Variants in FCHSD2 observed in about 807,000 individuals in gnomAD.
The protein encoded by FCHSD2 is FCH and double SH3 domains 2, also known as F-BAR and double SH3 domains protein 2.
In FCHSD2, 38 loss-of-function variants were observed where a neutral mutation model predicts 108.1. That is an observed-to-expected ratio of 0.35 (90% CI 0.27 to 0.46). FCHSD2 has a LOEUF of 0.46. Among genes scored for constraint, FCHSD2 ranks in the 20% least tolerant of loss-of-function variants. The pLI is 1.00. For missense variants in FCHSD2, 751 were observed against 897.8 expected, an observed-to-expected ratio of 0.84 and a Z score of 2.09; for synonymous variants, 279 against 314.7, an observed-to-expected ratio of 0.89 and a Z score of 1.20.
intron 5 of FCHSD2, among the ~76,000 whole-genome samples, chr11:72,995,641 CCA>C (rs1478771001): frequency 1.3e-5 from 2 of 151,358 alleles, no homozygotes; most frequent in African/African-American, 4.9e-5. Flanking sequence ...GAGGTTGAGG[CCA>C]CAGTGAGCCG....
chr11:72,914,426 T>C lies in FCHSD2; in HGVS notation c.828+7402A>G, dbSNP rs755179141. On this transcript the variant is annotated intron_variant, in intron 9 of 19. Transcript: ENST00000409418. ...TCATATGAAACCAAAAGATTCTGAA[T>C]AGCCAAGGCAATCCTAAGCAAAAAG... Among the ~76,000 whole-genome samples, 16 of 152,276 alleles carry C rather than the reference T, an allele frequency of 1.1e-4. No individual in the cohort carries two copies. In the South Asian group the frequency reaches 1.2e-3, roughly 12 times the overall value.
intron 2 of FCHSD2, among the ~76,000 whole-genome samples, chr11:73,105,003 C>T (rs1860308950): frequency 6.6e-6 from 1 of 152,200 alleles, no homozygotes; most frequent in South Asian, 2.1e-4. Context: ...CATGTAAAAA[C>T]AATAATAATC....
chr11:72,897,778 T>C (rs1855452647), intron 10 of FCHSD2, among the ~76,000 whole-genome samples: 1 of 152,216 alleles, frequency 6.6e-6, no homozygotes, highest in Admixed American at 6.5e-5. Flanking sequence ...ATAAATGTGT[T>C]TGTCAGTTCT....
chr11:73,101,736 G>A (rs1040185930), intron 2 of FCHSD2, among the ~76,000 whole-genome samples: 7 of 150,408 alleles, frequency 4.7e-5, no homozygotes, highest in South Asian at 4.2e-4. Context: ...TGCACCCCCC[G>A]CCCCCGAAAA....
intron 3 of FCHSD2, among the ~76,000 whole-genome samples, chr11:73,037,657 T>C (rs1565379437): frequency 1.3e-5 from 2 of 152,254 alleles, no homozygotes; most frequent in Non-Finnish European, 2.9e-5. Flanking sequence ...GATTATGTTA[T>C]GAATGTGGCC....
intron 4 of FCHSD2, among the ~76,000 whole-genome samples, chr11:73,006,438 C>G (rs1857742740): frequency 6.6e-6 from 1 of 152,192 alleles, no homozygotes; most frequent in African/African-American, 2.4e-5. Flanking sequence ...ATCATTGATT[C>G]CTCATTTGTC....
chr11:73,031,938 T>C (rs1008774251), intron 3 of FCHSD2, among the ~76,000 whole-genome samples: 56 of 152,180 alleles, frequency 3.7e-4, no homozygotes, highest in African/African-American at 1.2e-3. Context: ...GTTCTTCTGG[T>C]ATGTATATTC....
chr11:73,041,715 T>C (rs1213617525), intron 3 of FCHSD2, among the ~76,000 whole-genome samples: 6 of 152,196 alleles, frequency 3.9e-5, no homozygotes, highest in Non-Finnish European at 7.3e-5. Context: ...ATGTTGACTG[T>C]TTCTTTGATG....
At chr11:73,097,453 T>C (rs1301300276) in intron 2 of FCHSD2, among the ~76,000 whole-genome samples, 1 of 151,642 alleles carries the variant, frequency 6.6e-6, no homozygotes, top group Non-Finnish European at 1.5e-5. Flanking sequence ...TCTGTTTGAT[T>C]TTTGTATAAG....
intron 3 of FCHSD2, among the ~76,000 whole-genome samples, chr11:73,063,812 G>A (rs1275031218): frequency 2.0e-5 from 3 of 152,124 alleles, no homozygotes; most frequent in African/African-American, 7.2e-5. Context: ...GACTTACAAA[G>A]AGACTTAGAC....
In FCHSD2 at chr11:72,989,205, A is replaced by G. The variant is rs1236383295; in HGVS notation, c.388-108T>C. On this transcript the variant is annotated intron_variant, in intron 5 of 19. Coordinates refer to ENST00000409418, the MANE Select transcript of FCHSD2 (RefSeq NM_014824.3). ...TGCCTTCAGGATGGAAATCCAGGGG[A>G]AAAGTCAGTACGTTCAGTGTCCTTC... The G allele has an allele frequency of 2.1e-5, 16 of 771,416 alleles. No individual in the cohort carries two copies. The Admixed American group carries it at 4.3e-4, about 21-fold the overall frequency. 47.8% of individuals were successfully genotyped at this position (771,416 alleles called of 1,614,324 possible). A position where few individuals can be genotyped will look rare whatever the true frequency, so the allele number is the denominator to read the frequency against.
At chr11:73,088,627 T>C (rs1859881318) in intron 2 of FCHSD2, among the ~76,000 whole-genome samples, 1 of 152,200 alleles carries the variant, frequency 6.6e-6, no homozygotes, top group African/African-American at 2.4e-5. Context: ...AAAATGCACA[T>C]TCATAAACAT....
intron 3 of FCHSD2, among the ~76,000 whole-genome samples, chr11:73,034,992 G>T (rs912046065): frequency 1.3e-5 from 2 of 152,092 alleles, no homozygotes; most frequent in South Asian, 4.1e-4. Context: ...TCTAGAGGTG[G>T]GGCTGAGACA....
In FCHSD2 at chr11:73,104,697, T is replaced by A. The variant is rs57890374; in HGVS notation, c.120-20957A>T. Among the ~76,000 whole-genome samples, 38 of 152,218 alleles carry A rather than the reference T, an allele frequency of 2.5e-4. No individual in the cohort carries two copies. In the East Asian group the frequency reaches 6.8e-3, roughly 27 times the overall value. On this transcript the variant is annotated intron_variant, in intron 2 of 19. Coordinates refer to ENST00000409418, the MANE Select transcript of FCHSD2 (RefSeq NM_014824.3). ...CATTCTCCTGCCTCAGCCTCCCAAG[T>A]AGCTGGGACCACAGGCACGTGCCAC...
chr11:73,127,469 A>G (rs950078430), intron 2 of FCHSD2, among the ~76,000 whole-genome samples: 2 of 152,214 alleles, frequency 1.3e-5, no homozygotes, highest in Non-Finnish European at 2.9e-5. Context: ...TAGATCCCTA[A>G]TTAGTTACTG....
At chr11:72,994,532 T>G (rs1857485407) in intron 5 of FCHSD2, among the ~76,000 whole-genome samples, 1 of 152,176 alleles carries the variant, frequency 6.6e-6, no homozygotes, top group Non-Finnish European at 1.5e-5. Context: ...CATTAAAGTG[T>G]GTACCCTAGT....
chr11:73,046,343 TTAA>T (rs1350605209), intron 3 of FCHSD2, among the ~76,000 whole-genome samples: 1 of 152,072 alleles, frequency 6.6e-6, no homozygotes, highest in Non-Finnish European at 1.5e-5. Flanking sequence ...AAGAAAACAA[TTAA>T]TAATAAAAAA....
At chr11:72,974,175 T>C (rs545289682) in intron 8 of FCHSD2, among the ~76,000 whole-genome samples, 27 of 152,248 alleles carry the variant, frequency 1.8e-4, no homozygotes, top group Admixed American at 2.6e-4. Context: ...ATTTGGTTCA[T>C]GGTTCTCGGG....
At chr11:72,977,293 T>C (rs982181867) in intron 8 of FCHSD2, among the ~76,000 whole-genome samples, 1 of 152,264 alleles carries the variant, frequency 6.6e-6, no homozygotes. Flanking sequence ...TCTTGAGTAA[T>C]ACCCTGTAAG....
Sources: gnomAD v4.1 joint callset for allele counts (sites outside exome capture counted in the v4.1 genomes callset) on GRCh38, gnomAD v4.1.1 for gene constraint, MANE v1.5 for transcripts, NCBI Gene and HGNC (gene_info 2026-07-23, HGNC 2026-07-21) for gene names.